Variants in CCDC158 observed in about 807,000 individuals in gnomAD.
CCDC158 encodes coiled-coil domain-containing protein 158.
Under a neutral mutation model 138.6 loss-of-function variants are expected in CCDC158, and 116 were observed. The ratio of observed to expected loss-of-function variants is 0.84; its 90% CI spans 0.72 to 0.98. The LOEUF (loss-of-function observed/expected upper bound fraction) is 0.98, where lower values mean the gene tolerates loss of function less well. Ranked by LOEUF, CCDC158 falls within the 50% of genes least tolerant of loss-of-function variation. The pLI is 0.00. For synonymous variants in CCDC158, 436 were observed against 442.4 expected, an observed-to-expected ratio of 0.99 and a Z score of 0.18; for missense variants, 1,265 against 1,306.1, an observed-to-expected ratio of 0.97 and a Z score of 0.48.
intron 9 of CCDC158, among the ~76,000 whole-genome samples, chr4:76,373,004 A>G (rs1258216258): frequency 6.6e-6 from 1 of 152,122 alleles, no homozygotes; most frequent in African/African-American, 2.4e-5. Flanking sequence ...GCCCGCCACC[A>G]TGGCCAGCTA....
chr4:76,383,121 A>C (rs1410135212), intron 7 of CCDC158, among the ~76,000 whole-genome samples: 3 of 152,204 alleles, frequency 2.0e-5, no homozygotes, highest in Non-Finnish European at 2.9e-5. Flanking sequence ...ATGAGTGACA[A>C]AAACTCTCTC....
chr4:76,327,128 A>G (rs951847261), intron 22 of CCDC158, among the ~76,000 whole-genome samples: 5 of 152,246 alleles, frequency 3.3e-5, no homozygotes, highest in African/African-American at 1.2e-4. Flanking sequence ...ATATCAATAT[A>G]ATAAGGCAAG....
intron 17 of CCDC158, 117 bp from the exon 18 acceptor site, chr4:76,351,238 T>C: frequency 1.1e-6 from 1 of 937,886 alleles, no homozygotes; most frequent in Non-Finnish European, 1.6e-6. Flanking sequence ...GATTTTAAAA[T>C]ATGTCTGTAG....
chr4:76,367,837 G>A, intron 11 of CCDC158, 61 bp from the exon 12 acceptor site: 2 of 1,463,382 alleles, frequency 1.4e-6, no homozygotes, highest in Non-Finnish European at 9.1e-7. Flanking sequence ...GCAACCTCAA[G>A]AGATACAAGT....
intron 24 of CCDC158, among the ~76,000 whole-genome samples, chr4:76,315,704 C>T (rs777376025): frequency 1.3e-5 from 2 of 152,238 alleles, no homozygotes; most frequent in Non-Finnish European, 1.5e-5. Context: ...CAAGGACTCT[C>T]ACAGAGTGTA....
intron 1 of CCDC158, among the ~76,000 whole-genome samples, chr4:76,420,341 A>T (rs1730016344): frequency 6.6e-6 from 1 of 152,212 alleles, no homozygotes; most frequent in Non-Finnish European, 1.5e-5. Flanking sequence ...CCTGGGCAAC[A>T]GCCGACCTCA....
At position 76,383,642 on chromosome 4, in the gene CCDC158, T is replaced by C; in HGVS notation, c.803+20A>G. On this transcript the variant is annotated intron_variant, in intron 7 of 24. Transcript: ENST00000682701. ...GGTTTAGTTTCGCTAGGCTTTTCCA[T>C]ACCTCAGTCAGAAACCTACCTATCT... 1.9e-6 allele frequency: 3 copies of C among 1,582,432 alleles called. No homozygotes were observed. The highest frequency in any genetic ancestry group is 2.6e-6 in the Non-Finnish European group (3 of 1,151,558).
intron 23 of CCDC158, among the ~76,000 whole-genome samples, chr4:76,325,092 T>C (rs1175714702): frequency 1.3e-5 from 2 of 152,052 alleles, no homozygotes; most frequent in Admixed American, 6.6e-5. Flanking sequence ...AGATAGTAAA[T>C]GAATAGCTTA....
At chr4:76,385,315 A>G (rs1323881854) in intron 4 of CCDC158, among the ~76,000 whole-genome samples, 1 of 152,224 alleles carries the variant, frequency 6.6e-6, no homozygotes, top group Non-Finnish European at 1.5e-5. Flanking sequence ...TAATAAATAG[A>G]TCAAGATCAA....
At chr4:76,371,271 T>C (rs1262104926) in intron 10 of CCDC158, 146 bp downstream of exon 10, 4 of 792,694 alleles carry the variant, frequency 5.0e-6, no homozygotes, top group Admixed American at 2.8e-5. Flanking sequence ...TATGCAAAAC[T>C]TGAATTGTGT....
rs34043671 is a variant in CCDC158, at chr4:76,379,743, TACACACACAC to T, written c.915-349_915-340del. On this transcript the variant is annotated intron_variant, in intron 8 of 24. Coordinates refer to ENST00000682701, the MANE Select transcript of CCDC158 (RefSeq NM_001394954.1). The stretch of plus-strand genomic sequence containing the variant: ...TTTACTTATATATATTCATATATAT[TACACACACAC>T]ACACACACACACACACACACACACA... Among the ~76,000 whole-genome samples, 350 of 147,066 alleles carry T rather than the reference TACACACACAC, an allele frequency of 2.4e-3. 5 individuals carry two copies. Among genetic ancestry groups the T allele is most frequent in the South Asian group, 0.01 (46 of 4,536 alleles).
intron 7 of CCDC158, among the ~76,000 whole-genome samples, chr4:76,383,016 G>C (rs112389363): frequency 0.029 from 4,474 of 152,124 alleles, 218 homozygotes; most frequent in African/African-American, 0.1. Context: ...TCCCATTAAC[G>C]AAACATATCA....
intron 1 of CCDC158, among the ~76,000 whole-genome samples, chr4:76,419,418 T>C (rs2109939940): frequency 6.6e-6 from 1 of 152,312 alleles, no homozygotes; most frequent in Non-Finnish European, 1.5e-5. Flanking sequence ...TTATCAAAAC[T>C]CGGTAGCTTA....
intron 11 of CCDC158, among the ~76,000 whole-genome samples, chr4:76,368,255 G>A (rs72657823): frequency 0.04 from 6,123 of 151,892 alleles, 148 homozygotes; most frequent in Middle Eastern, 0.095. Context: ...GAAGGGTGGC[G>A]GAATTTACAA....
chr4:76,385,934 G>C (rs1726741635), intron 4 of CCDC158, among the ~76,000 whole-genome samples: 1 of 152,220 alleles, frequency 6.6e-6, no homozygotes, highest in Non-Finnish European at 1.5e-5. Flanking sequence ...CTTCTCAGTA[G>C]CGATACTGAA....
rs201025956 is a variant in CCDC158, at chr4:76,403,147, A to T, written c.61T>A (p.Ser21Thr). 9 of 1,604,776 alleles carry T rather than the reference A, an allele frequency of 5.6e-6. No individual in the cohort carries two copies. The highest frequency in any genetic ancestry group is 7.7e-6 in the Non-Finnish European group (9 of 1,175,276). The change falls in exon 3 of 25, where the codon TCT becomes ACT. Residue 21 changes from serine to threonine, a missense_variant. By Grantham distance (58) the Ser-to-Thr change is moderately conservative. Transcript: ENST00000682701. ...EDLLSSSGVT[S>T]NGGSSSSFFV... is the part of the protein sequence containing the mutation. ...TATAAACAGCACATACCTCCATTAG[A>T]TGTGACACCACTACTTGATAAAAGA...
Position 76,332,873 on chromosome 4 carries a change from T to C in CCDC158, c.2823-382A>G, listed in dbSNP as rs116668164. Among the ~76,000 whole-genome samples the C allele has an allele frequency of 7.1e-3, 1,077 of 152,332 alleles. 7 individuals carry two copies. Among genetic ancestry groups the C allele is most frequent in the Middle Eastern group, 0.034 (10 of 294 alleles). On this transcript the variant is annotated intron_variant, in intron 19 of 24. Coordinates refer to ENST00000682701, the MANE Select transcript of CCDC158 (RefSeq NM_001394954.1). ...GGGAAGTCCTGGTAATCCCTCAGAATAATCAGTGCTGGGAGCAAGGGTCTG... is the reference window on the plus strand; with the variant it reads ...GGGAAGTCCTGGTAATCCCTCAGAACAATCAGTGCTGGGAGCAAGGGTCTG...
At chr4:76,408,314 C>T (rs1399874333) in intron 2 of CCDC158, among the ~76,000 whole-genome samples, 1 of 151,888 alleles carries the variant, frequency 6.6e-6, no homozygotes, top group Non-Finnish European at 1.5e-5. Flanking sequence ...TTAGGTATAT[C>T]TCCTAATGCT....
At chr4:76,380,009 T>C (rs1472685543) in intron 8 of CCDC158, among the ~76,000 whole-genome samples, 1 of 152,214 alleles carries the variant, frequency 6.6e-6, no homozygotes, top group African/African-American at 2.4e-5. Flanking sequence ...GTAAGTTTCC[T>C]GAGGCCTCCT....
Sources: allele counts gnomAD v4.1 joint callset (sites outside exome capture counted in the v4.1 genomes callset), GRCh38; gene constraint gnomAD v4.1.1; transcripts MANE v1.5; gene names NCBI Gene and HGNC (gene_info 2026-07-23, HGNC 2026-07-21).